COL10A1: variants seen among roughly 807,000 people sequenced by gnomAD.
The protein encoded by COL10A1 is collagen alpha-1(X) chain.
Under a neutral mutation model 18.2 loss-of-function variants are expected in COL10A1, and 10 were observed. That is an observed-to-expected ratio of 0.55 (90% CI 0.34 to 0.93). The LOEUF is 0.93. Ranked by LOEUF, COL10A1 falls within the 40% of genes least tolerant of loss-of-function variation. The pLI, the probability that COL10A1 is intolerant of heterozygous loss-of-function variation, is 0.02. For missense variants in COL10A1, 897 were observed against 853.5 expected, an observed-to-expected ratio of 1.05 and a Z score of -0.64; for synonymous variants, 330 against 316.6, an observed-to-expected ratio of 1.04 and a Z score of -0.45.
the COL10A1 span, among the ~76,000 whole-genome samples, chr6:116,169,727 A>G: frequency 3.7e-4 from 57 of 152,344 alleles, no homozygotes; most frequent in East Asian, 6.7e-3. Flanking sequence ...TGAGATACCC[A>G]TGTGATGTCC....
At chr6:116,166,783 A>G in the COL10A1 span, among the ~76,000 whole-genome samples, 1 of 152,228 alleles carries the variant, frequency 6.6e-6, no homozygotes, top group Non-Finnish European at 1.5e-5. Context: ...TATGTAAGAG[A>G]TAAAAATGGT....
chr6:116,120,429 G>A lies in COL10A1; in HGVS notation c.1687C>T (p.Pro563Ser). The A allele has an allele frequency of 6.2e-7, 1 of 1,614,220 alleles. No individual in the cohort carries two copies. The highest frequency in any genetic ancestry group is 8.5e-7 in the Non-Finnish European group (1 of 1,180,040). The change falls in exon 3 of 3, where the codon CCA becomes TCA. Residue 563 changes from proline to serine, a missense_variant. By Grantham distance (74) the Pro-to-Ser change is moderately conservative. Coordinates refer to ENST00000651968, the MANE Select transcript of COL10A1 (RefSeq NM_000493.4). Reference protein sequence around the residue: ...AFTVILSKAYPAIGTPIPFDK... With the variant: ...AFTVILSKAYSAIGTPIPFDK... ...AATGGTATGGGAGTTCCTATTGCTG[G>A]GTAAGCTTTGGAGAGAATAACAGTA...
Position 116,121,269 on chromosome 6 carries a change from G to C in COL10A1, c.847C>G (p.Leu283Val). ...GQPGIPGTKG[L>V]PGAPGIAGPP... ...CCAGCTATTCCTGGAGCCCCAGGGA[G>C]ACCTTTTGTTCCTGGAATCCCTGGC... The change falls in exon 3 of 3, where the codon CTC becomes GTC. Residue 283 changes from leucine (L) to valine (V), a missense_variant. Physicochemically the swap from Leu to Val is conservative, Grantham distance 32 (BLOSUM62 1). Transcript: ENST00000651968. 6.2e-7 allele frequency: 1 copy of C among 1,613,932 alleles called. No homozygotes were observed. The highest frequency in any genetic ancestry group is 1.1e-5 in the South Asian group (1 of 91,036).
intron 1 of COL10A1, among the ~76,000 whole-genome samples, chr6:116,156,271 T>C (rs1380076627): frequency 6.6e-6 from 1 of 152,178 alleles, no homozygotes; most frequent in East Asian, 1.9e-4. Flanking sequence ...TTTCTCTAAT[T>C]TTCCGGCAAA....
At chr6:116,169,144 A>G in the COL10A1 span, among the ~76,000 whole-genome samples, 11 of 152,010 alleles carry the variant, frequency 7.2e-5, no homozygotes, top group South Asian at 2.1e-3. Context: ...CAGAAGCCCC[A>G]GATTCCAAGC....
upstream of COL10A1, among the ~76,000 whole-genome samples, chr6:116,128,208 G>T (rs1779373430): frequency 6.6e-6 from 1 of 152,056 alleles, no homozygotes; most frequent in African/African-American, 2.4e-5. Context: ...ATAAGCCTTG[G>T]ACATTCAACC....
Position 116,121,152 on chromosome 6 carries a change from T to G in COL10A1, c.964A>C (p.Lys322Gln). 1 of 1,613,218 alleles carries G rather than the reference T, an allele frequency of 6.2e-7. No individual in the cohort carries two copies. The highest frequency in any genetic ancestry group is 8.5e-7 in the Non-Finnish European group (1 of 1,179,622). The change falls in exon 3 of 3, where the codon AAA (lysine) becomes CAA (glutamine). Residue 322 changes from lysine to glutamine, a missense_variant. By Grantham distance (53) the Lys-to-Gln change is moderately conservative (BLOSUM62 1). Coordinates refer to ENST00000651968, the MANE Select transcript of COL10A1 (RefSeq NM_000493.4). ...PAGLPGGPGA[K>Q]GEQGPAGLPG... The stretch of plus-strand genomic sequence containing the variant: ...AGACCTGCTGGCCCTTGTTCCCCTT[T>G]GGCACCTGGACCCCCAGGAAGGCCA...
At chr6:116,162,754 GC>G (rs1311386496), upstream of COL10A1, among the ~76,000 whole-genome samples, 1 of 152,006 alleles carries the variant, frequency 6.6e-6, no homozygotes, top group African/African-American at 2.4e-5. Context: ...TGTTATCCTT[GC>G]TGGATCTTGT....
chr6:116,178,132 T>C, the COL10A1 span, among the ~76,000 whole-genome samples: 1 of 151,090 alleles, frequency 6.6e-6, no homozygotes, highest in Non-Finnish European at 1.5e-5. Context: ...TGTGTGTGTG[T>C]GTTTACTAGT....
intron 1 of COL10A1, among the ~76,000 whole-genome samples, chr6:116,157,447 C>G (rs1388818229): frequency 6.6e-6 from 1 of 152,132 alleles, no homozygotes; most frequent in Non-Finnish European, 1.5e-5. Context: ...AGAGTTGAAA[C>G]TATGTTGAAA....
chr6:116,186,399 C>T, the COL10A1 span, among the ~76,000 whole-genome samples: 2 of 151,370 alleles, frequency 1.3e-5, no homozygotes, highest in African/African-American at 4.9e-5. Context: ...CTTCCCAGAG[C>T]TGCTTGTATT....
intron 1 of COL10A1, among the ~76,000 whole-genome samples, chr6:116,146,329 A>C (rs550121067): frequency 3.3e-5 from 5 of 152,188 alleles, no homozygotes; most frequent in Non-Finnish European, 7.3e-5. Flanking sequence ...TCAACCTGTG[A>C]TTTTTAGACA....
chr6:116,134,922 A>G (rs1779552882), intron 1 of COL10A1, among the ~76,000 whole-genome samples: 2 of 152,174 alleles, frequency 1.3e-5, no homozygotes, highest in Non-Finnish European at 1.5e-5. Flanking sequence ...AGAGCCCAGA[A>G]TCTTGGGAGT....
At chr6:116,199,761 A>C in the COL10A1 span, among the ~76,000 whole-genome samples, 3 of 152,226 alleles carry the variant, frequency 2.0e-5, no homozygotes, top group Admixed American at 2.0e-4. Context: ...ATTTGAGAAC[A>C]AAATAAATAA....
At chr6:116,137,459 C>T in intron 1 of COL10A1, 1 of 170,864 alleles carries the variant, frequency 5.9e-6, no homozygotes, top group Non-Finnish European at 1.3e-5. Context: ...GGCCTTTGTG[C>T]AGCCGAGAAC....
At chr6:116,190,562 A>G in the COL10A1 span, among the ~76,000 whole-genome samples, 1 of 152,026 alleles carries the variant, frequency 6.6e-6, no homozygotes, top group Admixed American at 6.6e-5. Flanking sequence ...CACAGCTAAA[A>G]TTAAATTGAG....
upstream of COL10A1, among the ~76,000 whole-genome samples, chr6:116,128,250 A>G (rs1044360563): frequency 6.6e-6 from 1 of 152,200 alleles, no homozygotes; most frequent in Non-Finnish European, 1.5e-5. Flanking sequence ...ATTTCAGCAC[A>G]AGGAATCTGA....
At chr6:116,141,631 T>C (rs1308403215) in intron 1 of COL10A1, among the ~76,000 whole-genome samples, 1 of 152,124 alleles carries the variant, frequency 6.6e-6, no homozygotes, top group African/African-American at 2.4e-5. Flanking sequence ...ATAGAATTTC[T>C]GATTCTAGGT....
At chr6:116,166,627 C>G in the COL10A1 span, among the ~76,000 whole-genome samples, 4 of 152,160 alleles carry the variant, frequency 2.6e-5, no homozygotes, top group African/African-American at 9.7e-5. Flanking sequence ...CTGCTGACAT[C>G]CTTTTCTACA....
Sources: allele counts gnomAD v4.1 joint callset (sites outside exome capture counted in the v4.1 genomes callset), GRCh38; gene constraint gnomAD v4.1.1; transcripts MANE v1.5; gene names NCBI Gene and HGNC (gene_info 2026-07-23, HGNC 2026-07-21).